EPHA7: variants seen among roughly 807,000 people sequenced by gnomAD.
EPHA7 encodes the protein ephrin type-A receptor 7.
Under a neutral mutation model 112.6 loss-of-function variants are expected in EPHA7, and 25 were observed. The ratio of observed to expected loss-of-function variants is 0.22; its 90% CI spans 0.16 to 0.31. The LOEUF (loss-of-function observed/expected upper bound fraction) is 0.31. EPHA7 is among the 10% of genes least tolerant of loss of function. The pLI, the probability that EPHA7 is intolerant of heterozygous loss-of-function variation, is 1.00. For synonymous variants in EPHA7, 437 were observed against 406.5 expected (o/e 1.07, Z -0.90); for missense variants, 962 against 1,212.6 (o/e 0.79, Z 3.07).
intron 5 of EPHA7, among the ~76,000 whole-genome samples, chr6:93,295,228 A>G (rs1345718242): frequency 2.6e-5 from 4 of 152,018 alleles, no homozygotes; most frequent in African/African-American, 7.2e-5. Flanking sequence ...TCAGATTTAC[A>G]TATCTGCAGT....
At chr6:93,382,849 A>G (rs533276621) in intron 3 of EPHA7, among the ~76,000 whole-genome samples, 1 of 152,312 alleles carries the variant, frequency 6.6e-6, no homozygotes, top group Non-Finnish European at 1.5e-5. Flanking sequence ...TCATTTTCAA[A>G]AGGTATCACT....
chr6:93,392,976 T>A (rs1344263150), intron 3 of EPHA7, among the ~76,000 whole-genome samples: 1 of 151,886 alleles, frequency 6.6e-6, no homozygotes, highest in East Asian at 1.9e-4. Context: ...TTAAATTAAT[T>A]ATAGTAATAC....
intron 5 of EPHA7, among the ~76,000 whole-genome samples, chr6:93,324,931 T>C (rs1369699190): frequency 6.6e-6 from 1 of 151,424 alleles, no homozygotes; most frequent in Non-Finnish European, 1.5e-5. Flanking sequence ...CTTTTATTGA[T>C]AGATTTTTCA....
At chr6:93,262,591 A>G (rs1770740108) in intron 9 of EPHA7, among the ~76,000 whole-genome samples, 1 of 151,434 alleles carries the variant, frequency 6.6e-6, no homozygotes, top group East Asian at 1.9e-4. Context: ...ACTTCCGGGC[A>G]TACATTTAAC....
intron 7 of EPHA7, among the ~76,000 whole-genome samples, chr6:93,267,968 A>G (rs1052801567): frequency 6.6e-6 from 1 of 151,684 alleles, no homozygotes; most frequent in African/African-American, 2.4e-5. Context: ...ATTATATCTG[A>G]ATTTACAGGG....
chr6:93,388,210 A>G (rs1217662443), intron 3 of EPHA7, among the ~76,000 whole-genome samples: 1 of 152,186 alleles, frequency 6.6e-6, no homozygotes, highest in Non-Finnish European at 1.5e-5. Context: ...GAAAGCAAAT[A>G]TAATTTAATG....
chr6:93,409,764 A>T (rs1383410617), intron 3 of EPHA7: 1 of 151,448 alleles, frequency 6.6e-6, no homozygotes, highest in Admixed American at 6.6e-5. Context: ...GCTAGGAAAG[A>T]AAAAAAACGG....
intron 15 of EPHA7, among the ~76,000 whole-genome samples, chr6:93,246,566 C>T (rs1286061098): frequency 6.6e-6 from 1 of 152,038 alleles, no homozygotes; most frequent in Non-Finnish European, 1.5e-5. Flanking sequence ...GCTAGTGATA[C>T]TTGTAAGTTT....
chr6:93,405,801 G>A (rs1162823317), intron 3 of EPHA7, among the ~76,000 whole-genome samples: 443 of 63,860 alleles, frequency 6.9e-3, no homozygotes, highest in East Asian at 0.02. Context: ...GTGTGTGTGT[G>A]TGTGTGTGTG....
Position 93,282,633 on chromosome 6 carries a change from C to T in EPHA7, c.1325-10211G>A, listed in dbSNP as rs374310576. ...GGCTGGAGCCGGCTCCTTCAGCTTG[C>T]GGGGAGGTGTGGAGGGAGAGGGGCA... On this transcript the variant is annotated intron_variant, in intron 5 of 16. Coordinates refer to ENST00000369303, the MANE Select transcript of EPHA7 (RefSeq NM_004440.4). Among the ~76,000 whole-genome samples, 4 of 152,168 alleles carry T rather than the reference C, an allele frequency of 2.6e-5. 1 individual carries two copies. Among genetic ancestry groups the T allele is most frequent in the Admixed American group, 6.5e-5 (1 of 15,296 alleles).
intron 7 of EPHA7, 31 bp downstream of exon 7, chr6:93,269,446 G>C (rs779463679): frequency 2.6e-5 from 42 of 1,592,862 alleles, no homozygotes; most frequent in Admixed American, 1.2e-4. Context: ...GAGTTATTGA[G>C]AGTAGGAATC....
intron 5 of EPHA7, among the ~76,000 whole-genome samples, chr6:93,289,927 C>T (rs1486060259): frequency 2.0e-5 from 3 of 152,014 alleles, no homozygotes; most frequent in East Asian, 1.9e-4. Flanking sequence ...GCCTTAAAAC[C>T]GTTTTGGATG....
At chr6:93,307,323 T>G (rs774960450) in intron 5 of EPHA7, among the ~76,000 whole-genome samples, 1 of 152,014 alleles carries the variant, frequency 6.6e-6, no homozygotes, top group Non-Finnish European at 1.5e-5. Flanking sequence ...CAGAAATAAA[T>G]GAAAGATAAG....
At chr6:93,258,544 A>G (rs985136481) in intron 10 of EPHA7, among the ~76,000 whole-genome samples, 16 of 149,526 alleles carry the variant, frequency 1.1e-4, no homozygotes, top group South Asian at 2.2e-4. Flanking sequence ...GATACAGTTC[A>G]GAGCTCTTTC....
intron 7 of EPHA7, 87 bp downstream of exon 7, chr6:93,269,390 G>A: frequency 9.8e-7 from 1 of 1,024,440 alleles, no homozygotes; most frequent in East Asian, 2.8e-5. Context: ...AATTATGATG[G>A]TGCAAATGAT....
intron 3 of EPHA7, among the ~76,000 whole-genome samples, chr6:93,389,866 CA>C (rs1434892699): frequency 1.3e-5 from 2 of 151,824 alleles, no homozygotes. Context: ...ACAATAAATA[CA>C]GAAGGAATAA....
Position 93,410,793 on chromosome 6 carries a change from C to A in EPHA7, c.540G>T (p.Lys180Asn). Residue 180 changes from lysine to asparagine, a missense_variant, in exon 3 of 17, where the codon AAG (lysine) becomes AAT (asparagine). Physicochemically the swap from Lys to Asn is moderately conservative, Grantham distance 94. Coordinates refer to ENST00000369303, the MANE Select transcript of EPHA7 (RefSeq NM_004440.4). This position sits in a 1 kb window ranked among gnomAD's most constrained non-coding sequence, Gnocchi z 4.0. ...CATCCTGAAAGGCAAGATAGAATCCCTTTTTGGACAAAGGTCCAATCTCTC... is the reference window on the plus strand; with the variant it reads ...CATCCTGAAAGGCAAGATAGAATCCATTTTTGGACAAAGGTCCAATCTCTC... ...EVREIGPLSK[K>N]GFYLAFQDVG... is the part of the protein sequence containing the mutation. 1 of 1,614,072 alleles carries A rather than the reference C, an allele frequency of 6.2e-7. No individual in the cohort carries two copies. The highest frequency in any genetic ancestry group is 2.2e-5 in the East Asian group (1 of 44,870).
chr6:93,286,996 A>T (rs1562069935), intron 5 of EPHA7, among the ~76,000 whole-genome samples: 1 of 152,208 alleles, frequency 6.6e-6, no homozygotes, highest in African/African-American at 2.4e-5. Flanking sequence ...TTTATAATTG[A>T]GAAATATTTA....
intron 8 of EPHA7, among the ~76,000 whole-genome samples, chr6:93,264,280 C>T (rs999196482): frequency 4.6e-5 from 7 of 151,410 alleles, no homozygotes; most frequent in Non-Finnish European, 7.4e-5. Context: ...TGTCCACAAA[C>T]ATTTAATAGC....
Sources: gnomAD v4.1 joint callset for allele counts (sites outside exome capture counted in the v4.1 genomes callset) on GRCh38, gnomAD v4.1.1 for gene constraint, Gnocchi (gnomAD v3.1) non-coding constraint, MANE v1.5 for transcripts, NCBI Gene and HGNC (gene_info 2026-07-23, HGNC 2026-07-21) for gene names.